Variants in PSORS1C1 observed in about 807,000 individuals in gnomAD.
The protein encoded by PSORS1C1 is psoriasis susceptibility 1 candidate 1.
PSORS1C1 carries 7 observed loss-of-function variants against 9.4 expected under a neutral mutation model. The ratio of observed to expected loss-of-function variants is 0.75; its 90% CI spans 0.42 to 1.40. The LOEUF (loss-of-function observed/expected upper bound fraction) is 1.40, where lower values mean the gene tolerates loss of function less well. Ranked by LOEUF, PSORS1C1 falls within the 40% of genes most tolerant of loss-of-function variation. PSORS1C1 has a pLI of 0.01. For synonymous variants in PSORS1C1, 63 were observed against 69.4 expected (o/e 0.91, Z 0.46); for missense variants, 146 against 178.1 (o/e 0.82, Z 1.02).
At chr6:31,130,568 C>A (rs1246668468) in intron 3 of PSORS1C1, among the ~76,000 whole-genome samples, 2 of 151,418 alleles carry the variant, frequency 1.3e-5, no homozygotes, top group East Asian at 3.9e-4. Context: ...CCCGCCACCA[C>A]TCCCGGCTAA....
At position 31,139,028 on chromosome 6, in the gene PSORS1C1, G is replaced by A; in HGVS notation, c.167+249G>A. 1 of 1,613,980 alleles carries A rather than the reference G, an allele frequency of 6.2e-7. No homozygotes were observed. The highest frequency in any genetic ancestry group is 8.5e-7 in the Non-Finnish European group (1 of 1,179,902). On this transcript the variant is annotated intron_variant, in intron 5 of 5. Transcript: ENST00000259881. The surrounding 1 kb of genome is among the most constrained non-coding windows in gnomAD (Gnocchi z 5.2). ...CAGGAGCTTCCAGTTGAGGATCATG[G>A]CTATGTACTGGCCCCCAAAGCTGGG... is the stretch of plus-strand genomic sequence containing the variant.
intron 2 of PSORS1C1, among the ~76,000 whole-genome samples, chr6:31,126,913 G>A (rs576228391): frequency 4.2e-4 from 64 of 152,312 alleles, no homozygotes; most frequent in East Asian, 3.7e-3. Context: ...CTTATCTTGC[G>A]AGGAGGGAGG....
intron 1 of PSORS1C1, among the ~76,000 whole-genome samples, chr6:31,124,019 G>C (rs775935148): frequency 4.6e-5 from 7 of 152,198 alleles, no homozygotes; most frequent in Non-Finnish European, 8.8e-5. Flanking sequence ...AGCGGATGGC[G>C]TGGGTTGGTG....
In PSORS1C1 at chr6:31,139,489, C is replaced by G; in HGVS notation, c.168-152C>G. The stretch of plus-strand genomic sequence containing the variant: ...GCTGAGGGAGGAGGTGCTTTTCAAA[C>G]CTGGGATGCAGCTGGGACAGTGTCA... On this transcript the variant is annotated intron_variant, in intron 5 of 5. Coordinates refer to ENST00000259881, the MANE Select transcript of PSORS1C1 (RefSeq NM_014068.3). The surrounding 1 kb of genome is among the most constrained non-coding windows in gnomAD (Gnocchi z 5.2). The G allele has an allele frequency of 2.9e-6, 2 of 694,010 alleles. No individual in the cohort carries two copies. Among genetic ancestry groups the G allele is most frequent in the Non-Finnish European group, 4.8e-6 (2 of 420,464 alleles). The allele number at this position is 694,010 out of a possible 1,614,324, so 43.0% of individuals were successfully genotyped here.
intron 1 of PSORS1C1, chr6:31,117,616 C>A (rs1041649525): frequency 1.7e-6 from 2 of 1,150,370 alleles, no homozygotes; most frequent in Non-Finnish European, 2.5e-6. Context: ...ATCGGCCTCT[C>A]GGGTTTCTCC....
chr6:31,116,129 AG>A, intron 1 of PSORS1C1: 1 of 1,610,956 alleles, frequency 6.2e-7, no homozygotes, highest in Non-Finnish European at 8.5e-7. Flanking sequence ...ATGGAGCGGC[AG>A]GGGATCTTTC....
chr6:31,132,562 T>G (rs1581861753), intron 3 of PSORS1C1, among the ~76,000 whole-genome samples: 1 of 148,686 alleles, frequency 6.7e-6, no homozygotes, highest in African/African-American at 2.5e-5. Context: ...ATAAAAGTAA[T>G]GAGGGGACTG....
intron 1 of PSORS1C1, chr6:31,116,067 A>C: frequency 6.2e-7 from 1 of 1,612,098 alleles, no homozygotes; most frequent in Non-Finnish European, 8.5e-7. Flanking sequence ...GGAAAACTTC[A>C]GGGTCAGCTA....
intron 1 of PSORS1C1, among the ~76,000 whole-genome samples, chr6:31,119,431 C>T (rs1417365247): frequency 2.6e-5 from 4 of 152,172 alleles, no homozygotes; most frequent in South Asian, 2.1e-4. Flanking sequence ...TATAAGTACC[C>T]GGTGGTCAAC....
intron 2 of PSORS1C1, among the ~76,000 whole-genome samples, chr6:31,129,062 T>C (rs1772798114): frequency 6.6e-6 from 1 of 152,242 alleles, no homozygotes; most frequent in Non-Finnish European, 1.5e-5. Context: ...CCATCTCTTC[T>C]GTCTAGTCCA....
chr6:31,118,894 G>A (rs1372705690), intron 1 of PSORS1C1: 1 of 130,092 alleles, frequency 7.7e-6, no homozygotes, highest in Non-Finnish European at 1.6e-5. Context: ...CCAGGCTAAA[G>A]TGCAATAACA....
chr6:31,121,243 C>T (rs1398097738), intron 1 of PSORS1C1, among the ~76,000 whole-genome samples: 1 of 152,046 alleles, frequency 6.6e-6, no homozygotes, highest in Non-Finnish European at 1.5e-5. Context: ...CAAAGCTGGG[C>T]CTTGGTTACT....
rs759493106 is a variant in PSORS1C1, at chr6:31,138,652, C to T, written c.44-4C>T. ...CCCAAAGTGGGTTACACCTTGGCCC[C>T]CAGGCACACAGACCCCAGCTTTACA... is the stretch of plus-strand genomic sequence containing the variant. On this transcript the variant is annotated splice_region_variant and splice_polypyrimidine_tract_variant and intron_variant, in intron 4 of 5. Transcript: ENST00000259881. The T allele has an allele frequency of 1.2e-6, 2 of 1,613,116 alleles. No homozygotes were observed. The highest frequency in any genetic ancestry group is 2.7e-5 in the African/African-American group (2 of 74,894).
At chr6:31,130,084 C>T (rs1048775734) in intron 3 of PSORS1C1, among the ~76,000 whole-genome samples, 1 of 151,918 alleles carries the variant, frequency 6.6e-6, no homozygotes, top group African/African-American at 2.4e-5. Context: ...AGAGCAAGAA[C>T]CTGTCTCAAA....
At chr6:31,132,349 C>T (rs1025607331) in intron 3 of PSORS1C1, among the ~76,000 whole-genome samples, 1 of 151,484 alleles carries the variant, frequency 6.6e-6, no homozygotes, top group African/African-American at 2.4e-5. Flanking sequence ...TGGTGAAACC[C>T]TGTTTCTACT....
rs1197575954 is a variant in PSORS1C1, at chr6:31,128,800, T to C, written c.-64-769T>C. 6.6e-6 allele frequency among the ~76,000 whole-genome samples: 1 copy of C among 152,218 alleles called. No homozygotes were observed. The highest frequency in any genetic ancestry group is 1.5e-5 in the Non-Finnish European group (1 of 68,022). ...AAGTTAGGAGTCCCTCCTGGGCTCCTACGTCAGGGTTTGCCCCCTCTCTAA... is the reference window on the plus strand; with the variant it reads ...AAGTTAGGAGTCCCTCCTGGGCTCCCACGTCAGGGTTTGCCCCCTCTCTAA... On this transcript the variant is annotated intron_variant, in intron 2 of 5. Coordinates refer to ENST00000259881, the MANE Select transcript of PSORS1C1 (RefSeq NM_014068.3). This position sits in a 1 kb window ranked among gnomAD's most constrained non-coding sequence, Gnocchi z 4.3.
intron 3 of PSORS1C1, among the ~76,000 whole-genome samples, chr6:31,131,808 T>C (rs1463979185): frequency 6.6e-6 from 1 of 152,204 alleles, no homozygotes; most frequent in Non-Finnish European, 1.5e-5. Context: ...GAGCTTAAGC[T>C]GTAGAGCATT....
At chr6:31,138,034 T>C in intron 3 of PSORS1C1, 1 of 1,528,560 alleles carries the variant, frequency 6.5e-7, no homozygotes, top group Non-Finnish European at 8.8e-7. Context: ...GGCCAGGGGT[T>C]TTCTGGGGGC....
intron 3 of PSORS1C1, among the ~76,000 whole-genome samples, chr6:31,136,639 A>G (rs1014582679): frequency 4.6e-5 from 7 of 152,166 alleles, no homozygotes. Flanking sequence ...AGGCCATTAA[A>G]CAGAGATGAA....
Sources: gnomAD v4.1 joint callset for allele counts (sites outside exome capture counted in the v4.1 genomes callset) on GRCh38, gnomAD v4.1.1 for gene constraint, Gnocchi (gnomAD v3.1) non-coding constraint, MANE v1.5 for transcripts, NCBI Gene and HGNC (gene_info 2026-07-23, HGNC 2026-07-21) for gene names.